NCAM1: variants seen among roughly 807,000 people sequenced by gnomAD.
The protein encoded by NCAM1 is antigen recognized by monoclonal antibody 5.1H11.
A neutral mutation model predicts 109.8 loss-of-function variants in NCAM1; 14 were observed. The ratio of observed to expected loss-of-function variants is 0.13; its 90% CI spans 0.08 to 0.20. The LOEUF (loss-of-function observed/expected upper bound fraction) is 0.20. NCAM1 is among the 10% of genes least tolerant of loss of function. NCAM1 has a pLI of 1.00. For synonymous variants in NCAM1, 418 were observed against 442.9 expected (o/e 0.94, Z 0.70); for missense variants, 774 against 1,109.9 (o/e 0.70, Z 4.30).
At chr11:113,250,431 C>T (rs1945642816) in intron 15 of NCAM1, among the ~76,000 whole-genome samples, 1 of 152,200 alleles carries the variant, frequency 6.6e-6, no homozygotes, top group Admixed American at 6.5e-5. Context: ...CCCTAAGGAC[C>T]AGCCACATTT....
At chr11:113,110,730 C>G (rs545489736) in intron 1 of NCAM1, among the ~76,000 whole-genome samples, 1 of 152,234 alleles carries the variant, frequency 6.6e-6, no homozygotes, top group East Asian at 1.9e-4. Flanking sequence ...TTTTCTAAAA[C>G]GAAATGTCTT....
intron 1 of NCAM1, among the ~76,000 whole-genome samples, chr11:113,047,633 A>G (rs1953316865): frequency 6.6e-6 from 1 of 152,132 alleles, no homozygotes; most frequent in African/African-American, 2.4e-5. Context: ...TGCTATAAGG[A>G]CATAGCCAAG....
chr11:113,027,494 C>A (rs10891491), intron 1 of NCAM1, among the ~76,000 whole-genome samples: 1 of 152,168 alleles, frequency 6.6e-6, no homozygotes, highest in Non-Finnish European at 1.5e-5. Context: ...TCATCAAGAC[C>A]TTTAAAGATG....
At chr11:113,205,366 T>C (rs1944206019) in intron 3 of NCAM1, among the ~76,000 whole-genome samples, 157 bp from the exon 4 acceptor site, 1 of 152,210 alleles carries the variant, frequency 6.6e-6, no homozygotes, top group South Asian at 2.1e-4. Context: ...TTGGGCCAGC[T>C]GCTCTGCCTG....
At chr11:113,272,632 G>A (rs1555125701) in intron 19 of NCAM1, among the ~76,000 whole-genome samples, 1 of 152,150 alleles carries the variant, frequency 6.6e-6, no homozygotes, top group Non-Finnish European at 1.5e-5. Context: ...AGGCAGGTCT[G>A]CAAGGACTTC....
chr11:113,037,082 A>G (rs1490218537), intron 1 of NCAM1, among the ~76,000 whole-genome samples: 1 of 152,160 alleles, frequency 6.6e-6, no homozygotes, highest in Non-Finnish European at 1.5e-5. Flanking sequence ...TTTATATCTG[A>G]GTTTTTATCA....
chr11:113,264,366 G>T (rs1289627721), intron 17 of NCAM1: 1 of 985,284 alleles, frequency 1.0e-6, no homozygotes, highest in Admixed American at 6.1e-5. Context: ...AATCCCCAGC[G>T]CTCAGTTTAG....
intron 1 of NCAM1, among the ~76,000 whole-genome samples, chr11:113,089,261 G>A (rs1056226936): frequency 2.0e-5 from 3 of 152,014 alleles, no homozygotes; most frequent in African/African-American, 4.8e-5. Context: ...TGCCGAGATC[G>A]CGCCACTGCA....
chr11:113,032,547 ACC>A (rs1952753889), intron 1 of NCAM1, among the ~76,000 whole-genome samples: 2 of 152,204 alleles, frequency 1.3e-5, no homozygotes, highest in Non-Finnish European at 2.9e-5. Flanking sequence ...GCCCCCACTT[ACC>A]TGCAAGGGAG....
At position 113,032,847 on chromosome 11, in the gene NCAM1, A is replaced by G. The variant is rs1278204085; in HGVS notation, c.52+71183A>G. Reference sequence around the variant, plus strand: ...ATTATTTTCTTATACTTAGCTGGATATTTCAACAGAGTCTTTTCCAAAATT... The same window carrying G: ...ATTATTTTCTTATACTTAGCTGGATGTTTCAACAGAGTCTTTTCCAAAATT... On this transcript the variant is annotated intron_variant, in intron 1 of 19. Transcript: ENST00000316851. Among the ~76,000 whole-genome samples the G allele has an allele frequency of 2.0e-5, 3 of 152,326 alleles. No homozygotes were observed. The East Asian group carries it at 5.8e-4, about 29-fold the overall frequency.
chr11:113,184,470 A>T (rs1555108518), intron 1 of NCAM1, among the ~76,000 whole-genome samples: 1 of 152,202 alleles, frequency 6.6e-6, no homozygotes, highest in Non-Finnish European at 1.5e-5. Flanking sequence ...CAATAGCAGT[A>T]ATTCATCTTG....
intron 1 of NCAM1, among the ~76,000 whole-genome samples, chr11:113,119,158 A>G (rs1273143650): frequency 2.0e-5 from 3 of 150,298 alleles, no homozygotes; most frequent in Non-Finnish European, 4.4e-5. Context: ...GAAGGGAGAG[A>G]AAGACGCTCT....
intron 1 of NCAM1, among the ~76,000 whole-genome samples, chr11:113,020,133 G>T (rs1473429662): frequency 6.6e-6 from 1 of 152,144 alleles, no homozygotes; most frequent in Admixed American, 6.5e-5. Flanking sequence ...TTACTTGTTC[G>T]CTGGTCCCTC....
At chr11:113,225,865 T>C (rs1028373906) in intron 9 of NCAM1, among the ~76,000 whole-genome samples, 1 of 152,162 alleles carries the variant, frequency 6.6e-6, no homozygotes, top group Non-Finnish European at 1.5e-5. Flanking sequence ...TAAAATCCTT[T>C]ACAGACAAGC....
Position 113,235,037 on chromosome 11 carries a change from C to G in NCAM1, c.1698C>G (p.Ser566Arg). 1 of 1,556,056 alleles carries G rather than the reference C, an allele frequency of 6.4e-7. No individual in the cohort carries two copies. The highest frequency in any genetic ancestry group is 1.2e-5 in the South Asian group (1 of 84,548). Residue 566 changes from serine to arginine, a missense_variant, in exon 14 of 20, where the codon AGC becomes AGG. This residue lies in a region of NCAM1 where 523 missense variants were observed against 784.2 expected (regional missense o/e 0.67). Coordinates refer to ENST00000316851, the MANE Select transcript of NCAM1 (RefSeq NM_181351.5). Reference sequence around the variant, plus strand: ...ATCCTTCCCATATTATAACAGCCAGCATGGAGGGCATCGTCACCATCGTGG... The same window carrying G: ...ATCCTTCCCATATTATAACAGCCAGGATGGAGGGCATCGTCACCATCGTGG... ...HSKWYDAKEA[S>R]MEGIVTIVGL...
At chr11:113,082,417 T>C (rs1002245003) in intron 1 of NCAM1, among the ~76,000 whole-genome samples, 31 of 152,216 alleles carry the variant, frequency 2.0e-4, no homozygotes, top group African/African-American at 7.0e-4. Context: ...GGTAGTCTTA[T>C]TGTAAAACCA....
At chr11:113,135,684 G>A (rs185250803) in intron 1 of NCAM1, among the ~76,000 whole-genome samples, 12 of 152,286 alleles carry the variant, frequency 7.9e-5, no homozygotes, top group East Asian at 1.9e-4. Context: ...AATCAAGGAC[G>A]TGCTGGACTA....
At chr11:112,996,834 G>A (rs1951609118) in intron 1 of NCAM1, among the ~76,000 whole-genome samples, 1 of 152,176 alleles carries the variant, frequency 6.6e-6, no homozygotes, top group East Asian at 1.9e-4. Context: ...TGTCATCCAA[G>A]GGACCCCGTC....
intron 1 of NCAM1, among the ~76,000 whole-genome samples, chr11:113,088,622 C>T (rs1454293597): frequency 6.6e-6 from 1 of 152,164 alleles, no homozygotes; most frequent in African/African-American, 2.4e-5. Context: ...CTTTATGGGC[C>T]TGTCTTCTGA....
Sources: gnomAD v4.1 joint callset for allele counts (sites outside exome capture counted in the v4.1 genomes callset) on GRCh38, gnomAD v4.1.1 for gene constraint, gnomAD v4.1.1 regional missense constraint, MANE v1.5 for transcripts, NCBI Gene and HGNC (gene_info 2026-07-23, HGNC 2026-07-21) for gene names.